PTPRK: variants seen among roughly 807,000 people sequenced by gnomAD.
PTPRK encodes the protein protein tyrosine phosphatase receptor type K.
In PTPRK, 75 loss-of-function variants were observed where a neutral mutation model predicts 178.0. That is an observed-to-expected ratio of 0.42 (90% CI 0.35 to 0.51). The LOEUF (loss-of-function observed/expected upper bound fraction) is 0.51. Among genes scored for constraint, PTPRK ranks in the 20% least tolerant of loss-of-function variants. PTPRK has a pLI of 0.02. For missense variants in PTPRK, 1,441 were observed against 1,797.8 expected (o/e 0.80, Z 3.59); for synonymous variants, 637 against 620.6 (o/e 1.03, Z -0.39).
In PTPRK at chr6:128,250,509, T is replaced by C. The variant is rs192001291; in HGVS notation, c.496-7907A>G. On this transcript the variant is annotated intron_variant, in intron 3 of 29. Transcript: ENST00000368226. ...ACAGAAAACAACAATGCAGTATCAG[T>C]GGATTAACTGTTTTACCTAAAAGGG... Among the ~76,000 whole-genome samples the C allele has an allele frequency of 8.6e-4, 131 of 152,264 alleles. 1 individual carries two copies. The highest frequency in any genetic ancestry group is 6.0e-3 in the Admixed American group (91 of 15,284).
chr6:128,003,316 T>C, intron 15 of PTPRK: 1 of 1,237,068 alleles, frequency 8.1e-7, no homozygotes, highest in Non-Finnish European at 1.1e-6. Context: ...AGATTTATGC[T>C]TTCTTAAGAA....
intron 13 of PTPRK, among the ~76,000 whole-genome samples, chr6:128,012,167 G>T (rs1265602316): frequency 6.6e-6 from 1 of 151,136 alleles, no homozygotes; most frequent in African/African-American, 2.4e-5. Flanking sequence ...TTTAGCTGTG[G>T]CATTTATTAC....
chr6:128,042,152 G>A (rs974862891), intron 13 of PTPRK, among the ~76,000 whole-genome samples: 3 of 151,908 alleles, frequency 2.0e-5, no homozygotes, highest in Non-Finnish European at 2.9e-5. Context: ...AACCTAGGCC[G>A]CGTATCATAT....
At chr6:128,173,248 A>G (rs1800567587) in intron 7 of PTPRK, among the ~76,000 whole-genome samples, 1 of 152,046 alleles carries the variant, frequency 6.6e-6, no homozygotes, top group Non-Finnish European at 1.5e-5. Context: ...ATACTTGTGA[A>G]CACAAAACAA....
intron 11 of PTPRK, among the ~76,000 whole-genome samples, chr6:128,073,400 G>A (rs1783194964): frequency 6.6e-6 from 1 of 151,968 alleles, no homozygotes; most frequent in African/African-American, 2.4e-5. Flanking sequence ...AGGGAATGAT[G>A]GGAATGCAGA....
At chr6:128,017,833 T>TATAC (rs1779790519) in intron 13 of PTPRK, among the ~76,000 whole-genome samples, 1 of 137,316 alleles carries the variant, frequency 7.3e-6, no homozygotes, top group Non-Finnish European at 1.5e-5. Flanking sequence ...TATATATATA[T>TATAC]TTGGCAGAAT....
chr6:128,370,600 T>C (rs1178083184), intron 2 of PTPRK, among the ~76,000 whole-genome samples: 2 of 152,216 alleles, frequency 1.3e-5, no homozygotes, highest in East Asian at 3.9e-4. Flanking sequence ...TCATAAAAAA[T>C]TTCTACCAGT....
In PTPRK at chr6:128,049,526, ATAT is replaced by A. The variant is rs201892783; in HGVS notation, c.2194+15229_2194+15231del. On this transcript the variant is annotated intron_variant, in intron 13 of 29. Transcript: ENST00000368226. ...AATTTTAAATGACATAATATGCTAAATATTATTAAATAATATAAAATAAAAATT... is the reference window on the plus strand; with the variant it reads ...AATTTTAAATGACATAATATGCTAAATATTAAATAATATAAAATAAAAATT... Among the ~76,000 whole-genome samples the A allele has an allele frequency of 6.1e-3, 934 of 152,078 alleles. 8 individuals are homozygous for A. The highest frequency in any genetic ancestry group is 0.021 in the African/African-American group (882 of 41,542).
At chr6:128,250,424 A>C (rs968575472) in intron 3 of PTPRK, among the ~76,000 whole-genome samples, 2 of 152,318 alleles carry the variant, frequency 1.3e-5, no homozygotes, top group Admixed American at 1.3e-4. Context: ...TGTTCCTCAC[A>C]ACATCATTGA....
intron 2 of PTPRK, 88 bp downstream of exon 2, chr6:128,397,478 T>C: frequency 6.6e-7 from 1 of 1,504,692 alleles, no homozygotes; most frequent in Non-Finnish European, 9.1e-7. Flanking sequence ...TTATAACCAT[T>C]AAATTATTGT....
At chr6:128,193,280 GA>G (rs778872277) in intron 6 of PTPRK, among the ~76,000 whole-genome samples, 195 of 57,736 alleles carry the variant, frequency 3.4e-3, no homozygotes, top group Middle Eastern at 0.021. Context: ...TCCAGCTTGT[GA>G]AAAAAAAAAA....
intron 7 of PTPRK, among the ~76,000 whole-genome samples, chr6:128,106,670 T>C (rs902035615): frequency 6.6e-6 from 1 of 152,196 alleles, no homozygotes; most frequent in Non-Finnish European, 1.5e-5. Flanking sequence ...ATGCAAACTG[T>C]CTTTTTATCT....
chr6:128,380,710 A>C (rs1305618254), intron 2 of PTPRK, among the ~76,000 whole-genome samples: 1 of 152,156 alleles, frequency 6.6e-6, no homozygotes, highest in Non-Finnish European at 1.5e-5. Flanking sequence ...AAAGGGACCT[A>C]CAAAGAGCAG....
At chr6:128,133,390 G>A (rs1353283850) in intron 7 of PTPRK, among the ~76,000 whole-genome samples, 2 of 151,014 alleles carry the variant, frequency 1.3e-5, no homozygotes, top group Non-Finnish European at 3.0e-5. Flanking sequence ...ATAAGGAATC[G>A]GTATTTCTCA....
At chr6:128,090,823 T>C (rs772381971) in intron 7 of PTPRK, among the ~76,000 whole-genome samples, 2 of 152,188 alleles carry the variant, frequency 1.3e-5, no homozygotes, top group Non-Finnish European at 2.9e-5. Flanking sequence ...TGGCAACATC[T>C]ACAGAGTAAA....
chr6:128,360,472 T>G (rs1008003594), intron 2 of PTPRK, among the ~76,000 whole-genome samples: 1 of 152,208 alleles, frequency 6.6e-6, no homozygotes, highest in Non-Finnish European at 1.5e-5. Flanking sequence ...AACATTGAGA[T>G]GTGATGACAG....
chr6:128,129,119 A>G (rs943610253), intron 7 of PTPRK, among the ~76,000 whole-genome samples: 2 of 152,222 alleles, frequency 1.3e-5, no homozygotes, highest in Non-Finnish European at 1.5e-5. Context: ...TGCTTTGAAT[A>G]TTATACAATT....
At chr6:128,193,808 C>T (rs776228294) in intron 6 of PTPRK, among the ~76,000 whole-genome samples, 9 of 151,898 alleles carry the variant, frequency 5.9e-5, no homozygotes, top group Non-Finnish European at 1.2e-4. Context: ...ACTTTATTAC[C>T]TGCTTGAAAT....
intron 1 of PTPRK, among the ~76,000 whole-genome samples, chr6:128,407,699 A>C (rs775697486): frequency 5.9e-5 from 9 of 151,662 alleles, no homozygotes; most frequent in Non-Finnish European, 1.3e-4. Context: ...TCACTAAAGT[A>C]TTATAAAACT....
Sources: allele counts gnomAD v4.1 joint callset (sites outside exome capture counted in the v4.1 genomes callset), GRCh38; gene constraint gnomAD v4.1.1; transcripts MANE v1.5; gene names NCBI Gene and HGNC (gene_info 2026-07-23, HGNC 2026-07-21).